MCF2L2: variants seen among roughly 807,000 people sequenced by gnomAD.
MCF2L2 encodes the protein MCF.2 cell line derived transforming sequence-like 2.
A neutral mutation model predicts 150.2 loss-of-function variants in MCF2L2; 102 were observed. The ratio of observed to expected loss-of-function variants is 0.68; its 90% CI spans 0.58 to 0.80. The LOEUF (loss-of-function observed/expected upper bound fraction) is 0.80, where lower values mean the gene tolerates loss of function less well. MCF2L2 is among the 30% of genes least tolerant of loss of function. The probability of loss-of-function intolerance (pLI) is 0.00; values close to 1 mark genes in which losing one functional copy is unlikely to be tolerated. For missense variants in MCF2L2, 1,256 were observed against 1,372.8 expected (o/e 0.91, Z 1.34); for synonymous variants, 465 against 491.3 (o/e 0.95, Z 0.71).
rs569890962 is a variant in MCF2L2, at chr3:183,282,169, ATTTAT to A, written c.1777-5217_1777-5213del. On this transcript the variant is annotated intron_variant, in intron 14 of 29. Coordinates refer to ENST00000328913, the MANE Select transcript of MCF2L2 (RefSeq NM_015078.4). ...TAAATTGGCTTTTATTATTATTATT[ATTTAT>A]TTTATTTTATTTTATTTTATTTGAG... 1.3e-3 allele frequency among the ~76,000 whole-genome samples: 188 copies of A among 150,384 alleles called. 1 individual carries two copies. The highest frequency in any genetic ancestry group is 3.9e-3 in the African/African-American group (159 of 40,858).
At chr3:183,413,656 G>C (rs989920659) in intron 1 of MCF2L2, among the ~76,000 whole-genome samples, 1 of 152,128 alleles carries the variant, frequency 6.6e-6, no homozygotes, top group African/African-American at 2.4e-5. Context: ...CCAGTTCCTC[G>C]CCCTGTAAAG....
intron 3 of MCF2L2, among the ~76,000 whole-genome samples, chr3:183,346,774 G>C (rs1276413937): frequency 6.6e-6 from 1 of 151,806 alleles, no homozygotes; most frequent in Non-Finnish European, 1.5e-5. Context: ...ACAATAGACA[G>C]AGAGCCAAAT....
chr3:183,201,699 TG>T (rs1400815037), intron 25 of MCF2L2, among the ~76,000 whole-genome samples: 1 of 152,234 alleles, frequency 6.6e-6, no homozygotes, highest in Non-Finnish European at 1.5e-5. Context: ...CCCTGTCTTC[TG>T]CCAGGTTTCA....
intron 15 of MCF2L2, among the ~76,000 whole-genome samples, chr3:183,261,179 A>C (rs1384104054): frequency 6.6e-6 from 1 of 152,196 alleles, no homozygotes; most frequent in Non-Finnish European, 1.5e-5. Context: ...GATTATTGTA[A>C]GTAATTTATT....
At chr3:183,392,596 T>G (rs1166807135) in intron 1 of MCF2L2, among the ~76,000 whole-genome samples, 1 of 152,214 alleles carries the variant, frequency 6.6e-6, no homozygotes, top group Non-Finnish European at 1.5e-5. Context: ...GGAAGTGACA[T>G]GGTTATCCTT....
intron 6 of MCF2L2, among the ~76,000 whole-genome samples, chr3:183,320,044 G>A (rs973007012): frequency 1.3e-5 from 2 of 150,372 alleles, no homozygotes; most frequent in African/African-American, 4.9e-5. Flanking sequence ...ATAGAATGCC[G>A]TTTCATTTAC....
chr3:183,269,434 GTT>G (rs1726521711), intron 15 of MCF2L2: 2 of 189,244 alleles, frequency 1.1e-5, no homozygotes, highest in Non-Finnish European at 2.1e-5. Flanking sequence ...TTAGGAATAT[GTT>G]TCTTTCCAGC....
chr3:183,244,630 G>C (rs1335622058), intron 15 of MCF2L2, among the ~76,000 whole-genome samples: 2 of 152,148 alleles, frequency 1.3e-5, no homozygotes, highest in African/African-American at 4.8e-5. Flanking sequence ...AGACGATCCA[G>C]CTCATCTCTT....
intron 10 of MCF2L2, among the ~76,000 whole-genome samples, chr3:183,301,014 CA>C (rs11388183): frequency 0.011 from 748 of 65,628 alleles, 2 homozygotes; most frequent in Middle Eastern, 0.027. Flanking sequence ...GACTCCATCT[CA>C]AAAAAAAAAA....
chr3:183,261,986 T>TTGGG (rs1725633261), intron 15 of MCF2L2, among the ~76,000 whole-genome samples: 1 of 138,160 alleles, frequency 7.2e-6, no homozygotes. Flanking sequence ...AAGAATAGAA[T>TTGGG]TGGGCATTCA....
chr3:183,387,252 G>A (rs1486932894), intron 2 of MCF2L2, among the ~76,000 whole-genome samples: 4 of 144,230 alleles, frequency 2.8e-5, no homozygotes, highest in South Asian at 2.2e-4. Context: ...GCAACATAGC[G>A]ACACCATGTC....
chr3:183,284,249 T>C (rs1727666792), intron 14 of MCF2L2, among the ~76,000 whole-genome samples: 1 of 152,186 alleles, frequency 6.6e-6, no homozygotes, highest in African/African-American at 2.4e-5. Context: ...CTCACTCCTC[T>C]CAACTTTAGA....
At chr3:183,326,527 C>T (rs569131434) in intron 5 of MCF2L2, among the ~76,000 whole-genome samples, 1 of 125,652 alleles carries the variant, frequency 8.0e-6, no homozygotes, top group South Asian at 2.6e-4. Context: ...CAAAAAAAAA[C>T]CCACAAACCT....
intron 2 of MCF2L2, among the ~76,000 whole-genome samples, chr3:183,385,397 T>C (rs1034379560): frequency 1.1e-4 from 17 of 152,290 alleles, no homozygotes; most frequent in South Asian, 1.0e-3. Flanking sequence ...TTCCATTGTT[T>C]CAGTTAGGAG....
intron 10 of MCF2L2, 69 bp downstream of exon 10, chr3:183,309,647 G>A (rs563777152): frequency 1.9e-6 from 3 of 1,602,484 alleles, no homozygotes; most frequent in East Asian, 2.2e-5. Context: ...CAATAGCAAT[G>A]ACTGGACATG....
intron 6 of MCF2L2, among the ~76,000 whole-genome samples, chr3:183,321,825 G>A (rs1439921756): frequency 6.6e-6 from 1 of 152,218 alleles, no homozygotes; most frequent in Admixed American, 6.5e-5. Context: ...GCCAGGGATG[G>A]CCTATAACAA....
chr3:183,308,438 T>C (rs1387434964), intron 10 of MCF2L2, among the ~76,000 whole-genome samples: 2 of 152,236 alleles, frequency 1.3e-5, no homozygotes, highest in Non-Finnish European at 2.9e-5. Flanking sequence ...ATCATATATA[T>C]GAAATTCAAC....
In MCF2L2 at chr3:183,179,438, G is replaced by GC; in HGVS notation, c.3286dup (p.Ala1096GlyfsTer140). 6.3e-7 allele frequency: 1 copy of GC among 1,581,278 alleles called. No individual in the cohort carries two copies. Among genetic ancestry groups the GC allele is most frequent in the Non-Finnish European group, 8.6e-7 (1 of 1,162,772 alleles). On this transcript the variant is annotated frameshift_variant, in exon 30 of 30. Coordinates refer to ENST00000328913, the MANE Select transcript of MCF2L2 (RefSeq NM_015078.4). LOFTEE classifies it low-confidence loss of function (END_TRUNC). This position sits in a 1 kb window ranked among gnomAD's most constrained non-coding sequence, Gnocchi z 4.2. Reference sequence around the variant, plus strand: ...CGCCCTCGCCTGGAAACCAGCCGTCGCCCCCGCAGGAGCCAGCCGGCCCGT... The same window carrying GC: ...CGCCCTCGCCTGGAAACCAGCCGTCGCCCCCCGCAGGAGCCAGCCGGCCCGT...
At chr3:183,376,432 C>G (rs1713192258) in intron 3 of MCF2L2, 1 of 152,240 alleles carries the variant, frequency 6.6e-6, no homozygotes, top group African/African-American at 2.4e-5. Flanking sequence ...TATTCACCCT[C>G]TTCCTTGCCG....
Sources: allele counts gnomAD v4.1 joint callset (sites outside exome capture counted in the v4.1 genomes callset), GRCh38; gene constraint gnomAD v4.1.1; non-coding constraint Gnocchi (gnomAD v3.1); transcripts MANE v1.5; gene names NCBI Gene and HGNC (gene_info 2026-07-23, HGNC 2026-07-21).